Variants in RAB31 observed in about 807,000 individuals in gnomAD.
RAB31 encodes ras-related protein Rab-31.
RAB31 carries 21 observed loss-of-function variants against 25.6 expected under a neutral mutation model. That is an observed-to-expected ratio of 0.82 (90% CI 0.58 to 1.18). The LOEUF (loss-of-function observed/expected upper bound fraction) is 1.18, where lower values mean the gene tolerates loss of function less well. Among genes scored for constraint, RAB31 ranks in the 50% most tolerant of loss-of-function variants. The pLI, the probability that RAB31 is intolerant of heterozygous loss-of-function variation, is 0.00. For missense variants in RAB31, 196 were observed against 250.1 expected (o/e 0.78, Z 1.46); for synonymous variants, 87 against 84.0 (o/e 1.04, Z -0.20).
intron 4 of RAB31, chr18:9,814,840 G>A: frequency 3.7e-6 from 1 of 270,754 alleles, no homozygotes. Flanking sequence ...TGGAGTCCAG[G>A]CTATCATTTT....
At chr18:9,719,326 TATAA>T (rs56208111) in intron 1 of RAB31, among the ~76,000 whole-genome samples, 2 of 63,412 alleles carry the variant, frequency 3.2e-5, no homozygotes, top group African/African-American at 1.4e-4. Flanking sequence ...TATATATATA[TATAA>T]ATAAATAAAT....
intron 1 of RAB31, among the ~76,000 whole-genome samples, chr18:9,753,907 A>G (rs950632429): frequency 1.3e-5 from 2 of 152,160 alleles, no homozygotes; most frequent in Non-Finnish European, 2.9e-5. Flanking sequence ...AAGAAAAGGC[A>G]TTGTTGAGTT....
At chr18:9,763,240 C>T (rs749412611) in intron 1 of RAB31, among the ~76,000 whole-genome samples, 13 of 151,926 alleles carry the variant, frequency 8.6e-5, no homozygotes, top group Non-Finnish European at 1.6e-4. Context: ...TTTAAACTTA[C>T]GCTAAGGCCT....
intron 5 of RAB31, among the ~76,000 whole-genome samples, chr18:9,819,577 G>A (rs1258969128): frequency 6.6e-6 from 1 of 152,004 alleles, no homozygotes; most frequent in Admixed American, 6.6e-5. Context: ...TGAATTTTAG[G>A]ATCTATTTCT....
intron 3 of RAB31, among the ~76,000 whole-genome samples, chr18:9,799,233 G>A (rs908746320): frequency 2.6e-5 from 4 of 152,200 alleles, no homozygotes; most frequent in African/African-American, 9.6e-5. Context: ...ATGGATTTCT[G>A]TGTCCTTAAA....
At chr18:9,831,298 G>C (rs2068677280) in intron 5 of RAB31, among the ~76,000 whole-genome samples, 1 of 152,158 alleles carries the variant, frequency 6.6e-6, no homozygotes. Context: ...TTGGCCACTG[G>C]GGTTTCTTTC....
chr18:9,778,269 G>T (rs960792177), intron 2 of RAB31, among the ~76,000 whole-genome samples: 5 of 152,136 alleles, frequency 3.3e-5, no homozygotes, highest in African/African-American at 1.2e-4. Context: ...GGCAGGAGCC[G>T]TGTGTGCATG....
chr18:9,777,867 G>A (rs1433774084), intron 2 of RAB31, among the ~76,000 whole-genome samples: 5 of 148,992 alleles, frequency 3.4e-5, no homozygotes, highest in Non-Finnish European at 5.9e-5. Context: ...CGATTCTCCT[G>A]CCTCAGCCTC....
intron 1 of RAB31, among the ~76,000 whole-genome samples, chr18:9,713,234 C>G (rs930413526): frequency 2.6e-5 from 4 of 152,144 alleles, no homozygotes; most frequent in African/African-American, 9.7e-5. Flanking sequence ...AGGTAATGAT[C>G]ACATTTGCTT....
intron 5 of RAB31, among the ~76,000 whole-genome samples, chr18:9,835,589 T>C (rs936541894): frequency 4.6e-5 from 7 of 152,228 alleles, no homozygotes; most frequent in African/African-American, 1.7e-4. Context: ...ACATGTGTTA[T>C]TAAGTAGGTG....
chr18:9,854,182 T>A (rs2068803963), intron 6 of RAB31, among the ~76,000 whole-genome samples: 1 of 152,120 alleles, frequency 6.6e-6, no homozygotes, highest in Non-Finnish European at 1.5e-5. Flanking sequence ...CCTGTGTCCA[T>A]GTGTTCTCAT....
intron 1 of RAB31, among the ~76,000 whole-genome samples, chr18:9,739,898 AGAGT>A (rs1363468812): frequency 4.6e-5 from 7 of 152,254 alleles, no homozygotes; most frequent in African/African-American, 9.6e-5. Context: ...GTTGAAAGGG[AGAGT>A]GAGTATCACA....
At chr18:9,718,634 C>A (rs1254063214) in intron 1 of RAB31, among the ~76,000 whole-genome samples, 1 of 152,110 alleles carries the variant, frequency 6.6e-6, no homozygotes, top group African/African-American at 2.4e-5. Flanking sequence ...TCTTTTTGGG[C>A]TGTTATAGTA....
intron 1 of RAB31, among the ~76,000 whole-genome samples, chr18:9,743,289 C>T (rs568473080): frequency 1.3e-5 from 2 of 152,150 alleles, no homozygotes; most frequent in East Asian, 1.9e-4. Context: ...TAAATGTACT[C>T]GAAAGCTATA....
At chr18:9,837,040 G>A (rs769914169) in intron 5 of RAB31, among the ~76,000 whole-genome samples, 22 of 151,820 alleles carry the variant, frequency 1.4e-4, no homozygotes, top group Non-Finnish European at 2.8e-4. Flanking sequence ...AACATGGGGA[G>A]ATTCAGTGTG....
chr18:9,813,725 G>A (rs1753765801), intron 3 of RAB31, among the ~76,000 whole-genome samples: 1 of 152,118 alleles, frequency 6.6e-6, no homozygotes, highest in South Asian at 2.1e-4. Context: ...GGTGGTGCAT[G>A]CCTGTAATCC....
At chr18:9,837,144 C>T (rs996448233) in intron 5 of RAB31, among the ~76,000 whole-genome samples, 1 of 147,600 alleles carries the variant, frequency 6.8e-6, no homozygotes, top group African/African-American at 2.5e-5. Context: ...GTGAGACACA[C>T]GGGGAGATTC....
intron 1 of RAB31, among the ~76,000 whole-genome samples, chr18:9,710,032 C>G (rs932464913): frequency 1.3e-5 from 2 of 152,148 alleles, no homozygotes; most frequent in Non-Finnish European, 2.9e-5. Context: ...TTCTGCAACT[C>G]TTTTCTCTTG....
chr18:9,839,465 G>T (rs1427677444), intron 5 of RAB31, among the ~76,000 whole-genome samples: 1 of 152,186 alleles, frequency 6.6e-6, no homozygotes, highest in Non-Finnish European at 1.5e-5. Context: ...ATTGCAGGAG[G>T]CTAGAGGACC....
Sources: gnomAD v4.1 joint callset for allele counts (sites outside exome capture counted in the v4.1 genomes callset) on GRCh38, gnomAD v4.1.1 for gene constraint, MANE v1.5 for transcripts, NCBI Gene and HGNC (gene_info 2026-07-23, HGNC 2026-07-21) for gene names.